VPS13B: variants seen among roughly 807,000 people sequenced by gnomAD.
VPS13B encodes vacuolar protein sorting 13 homolog B, also known as intermembrane lipid transfer protein VPS13B.
VPS13B carries 285 observed loss-of-function variants against 426.4 expected under a neutral mutation model. The observed-to-expected ratio is 0.67, with a 90% CI of 0.61 to 0.74. VPS13B has a LOEUF of 0.74. VPS13B is among the 30% of genes least tolerant of loss of function. The pLI is 0.00. For synonymous variants in VPS13B, 1,676 were observed against 1,676.4 expected (o/e 1.00, Z 0.01); for missense variants, 4,537 against 4,782.6 (o/e 0.95, Z 1.51).
intron 35 of VPS13B, among the ~76,000 whole-genome samples, chr8:99,681,898 A>G (rs1157899143): frequency 6.6e-6 from 1 of 152,200 alleles, no homozygotes; most frequent in African/African-American, 2.4e-5. Context: ...CAAGTGTCCA[A>G]ATAAGTAACT....
chr8:99,770,554 T>G (rs954378602), intron 40 of VPS13B, among the ~76,000 whole-genome samples: 2 of 152,166 alleles, frequency 1.3e-5, no homozygotes, highest in Non-Finnish European at 2.9e-5. Flanking sequence ...GTCCCAATCT[T>G]AGGCCAAAAG....
At chr8:99,221,057 C>T (rs527627464) in intron 17 of VPS13B, among the ~76,000 whole-genome samples, 218 of 101,384 alleles carry the variant, frequency 2.2e-3, no homozygotes, top group African/African-American at 5.1e-3. Context: ...TTTGTTCTTG[C>T]GATAGTTTAC....
intron 50 of VPS13B, 100 bp from the exon 51 acceptor site, chr8:99,823,732 C>G (rs1814510110): frequency 1.5e-5 from 19 of 1,293,576 alleles, no homozygotes; most frequent in Non-Finnish European, 2.1e-5. Flanking sequence ...TGGTACTGTC[C>G]TGGCAGACAA....
intron 17 of VPS13B, among the ~76,000 whole-genome samples, chr8:99,251,841 C>A (rs543450685): frequency 6.6e-6 from 1 of 152,004 alleles, no homozygotes; most frequent in East Asian, 1.9e-4. Flanking sequence ...ATTGATTCAT[C>A]TAGTCATAGT....
intron 3 of VPS13B, among the ~76,000 whole-genome samples, chr8:99,088,752 A>C (rs1845980543): frequency 6.6e-6 from 1 of 152,196 alleles, no homozygotes; most frequent in African/African-American, 2.4e-5. Context: ...TATATAGAAT[A>C]AAGTTTAAAT....
chr8:99,023,738 C>G (rs939744968), intron 2 of VPS13B, among the ~76,000 whole-genome samples: 1 of 152,196 alleles, frequency 6.6e-6, no homozygotes, highest in Non-Finnish European at 1.5e-5. Flanking sequence ...CTTGGCCTCC[C>G]AAAGTGCTGG....
chr8:99,162,475 C>G (rs552127378), intron 15 of VPS13B, among the ~76,000 whole-genome samples: 2 of 152,160 alleles, frequency 1.3e-5, no homozygotes, highest in South Asian at 4.1e-4. Flanking sequence ...CGCGGACCCT[C>G]GCGGTGAGTG....
At chr8:99,815,980 C>A (rs1814009828) in intron 44 of VPS13B, among the ~76,000 whole-genome samples, 1 of 151,808 alleles carries the variant, frequency 6.6e-6, no homozygotes, top group African/African-American at 2.4e-5. Context: ...TACAGGCATA[C>A]ACCACCATAC....
At chr8:99,780,353 C>T (rs1811955868) in intron 42 of VPS13B, among the ~76,000 whole-genome samples, 1 of 152,032 alleles carries the variant, frequency 6.6e-6, no homozygotes, top group Admixed American at 6.6e-5. Context: ...GTATCAGAAC[C>T]ATTATAAGGG....
chr8:99,241,935 A>G (rs971919348), intron 17 of VPS13B, among the ~76,000 whole-genome samples: 5 of 152,152 alleles, frequency 3.3e-5, no homozygotes, highest in East Asian at 1.9e-4. Flanking sequence ...TCTAAGAACC[A>G]TCATTGCTTA....
At chr8:99,103,874 G>A (rs1025902583) in intron 5 of VPS13B, among the ~76,000 whole-genome samples, 1 of 152,076 alleles carries the variant, frequency 6.6e-6, no homozygotes, top group African/African-American at 2.4e-5. Context: ...GAGCTCTAGC[G>A]ATTTGCCTGC....
intron 51 of VPS13B, among the ~76,000 whole-genome samples, chr8:99,826,975 T>C (rs1394866409): frequency 1.3e-5 from 2 of 152,198 alleles, no homozygotes; most frequent in Non-Finnish European, 2.9e-5. Context: ...GGTTTGCCAG[T>C]ATTTTATTGA....
At chr8:99,261,601 T>C (rs915300942) in intron 17 of VPS13B, among the ~76,000 whole-genome samples, 3 of 152,158 alleles carry the variant, frequency 2.0e-5, no homozygotes, top group Non-Finnish European at 2.9e-5. Context: ...TACTGAATGG[T>C]ATGATAAATG....
At chr8:99,483,590 C>A (rs1030101508) in intron 25 of VPS13B, among the ~76,000 whole-genome samples, 15 of 151,974 alleles carry the variant, frequency 9.9e-5, no homozygotes, top group Non-Finnish European at 8.8e-5. Flanking sequence ...AGTTGCTAGA[C>A]AAAGATAATA....
At chr8:99,463,248 A>C (rs1818929344) in intron 23 of VPS13B, among the ~76,000 whole-genome samples, 1 of 152,212 alleles carries the variant, frequency 6.6e-6, no homozygotes, top group Non-Finnish European at 1.5e-5. Context: ...TTTACAATTG[A>C]AATAATGTTT....
intron 61 of VPS13B, chr8:99,875,076 C>CTTTTT: frequency 3.0e-6 from 1 of 331,538 alleles, no homozygotes; most frequent in Non-Finnish European, 5.7e-6. Context: ...GATTTTTCTC[C>CTTTTT]TTTTTTCTTG....
intron 21 of VPS13B, among the ~76,000 whole-genome samples, chr8:99,393,067 T>A (rs536085238): frequency 6.6e-6 from 1 of 152,114 alleles, no homozygotes; most frequent in South Asian, 2.1e-4. Flanking sequence ...AAAATAAATG[T>A]CCATTAGTGA....
rs1180682567 is a variant in VPS13B at position 99,720,436 on chromosome 8, A to C, written c.6749A>C (p.Gln2250Pro). ...YLNEEGNFEV[Q>P]VSEPVPQMSS... ...AATGAGGAGGGAAATTTTGAAGTAC[A>C]AGTTTCTGAACCAGTGCCTCAAATG... is the stretch of plus-strand genomic sequence containing the variant. Residue 2250 changes from glutamine to proline, a missense_variant, in exon 38 of 62, where the codon CAA (glutamine) becomes CCA (proline). By Grantham distance (76) the Gln-to-Pro change is moderately conservative. Transcript: ENST00000357162. 9 of 1,614,022 alleles carry C rather than the reference A, an allele frequency of 5.6e-6. No individual in the cohort carries two copies. Among genetic ancestry groups the C allele is most frequent in the Non-Finnish European group, 7.6e-6 (9 of 1,179,912 alleles).
chr8:99,596,666 G>T (rs962228129), intron 33 of VPS13B, among the ~76,000 whole-genome samples: 1 of 152,058 alleles, frequency 6.6e-6, no homozygotes, highest in Admixed American at 6.6e-5. Context: ...GACGTTGCGT[G>T]TAGCAGTTAT....
Sources: allele counts gnomAD v4.1 joint callset (sites outside exome capture counted in the v4.1 genomes callset), GRCh38; gene constraint gnomAD v4.1.1; transcripts MANE v1.5; gene names NCBI Gene and HGNC (gene_info 2026-07-23, HGNC 2026-07-21).